HLTF: variants seen among roughly 807,000 people sequenced by gnomAD.
The protein encoded by HLTF is DNA-dependent ATPase/E3 ubiquitin-protein ligase HLTF.
Under a neutral mutation model 129.4 loss-of-function variants are expected in HLTF, and 127 were observed. That is an observed-to-expected ratio of 0.98 (90% CI 0.85 to 1.14). The LOEUF is 1.14. Among genes scored for constraint, HLTF ranks in the 50% most tolerant of loss-of-function variants. HLTF has a pLI of 0.00. For synonymous variants in HLTF, 332 were observed against 388.8 expected (o/e 0.85, Z 1.72); for missense variants, 1,139 against 1,187.1 (o/e 0.96, Z 0.60).
At position 149,063,297 on chromosome 3, in the gene HLTF, T is replaced by A. The variant is rs1361950061; in HGVS notation, c.1160+134A>T. 129 of 585,482 alleles carry A rather than the reference T, an allele frequency of 2.2e-4. 2 individuals are homozygous for A. The highest frequency in any genetic ancestry group is 2.0e-3 in the South Asian group (115 of 57,056). The allele number at this position is 585,482 out of a possible 1,614,324, so 36.3% of individuals were successfully genotyped here. A position where few individuals can be genotyped will look rare whatever the true frequency, so the allele number is the denominator to read the frequency against. ...GGATGGTCTCAATCTCCTGACCTCA[T>A]GATCCGCCCGCCTCGGCCTCCCAAA... On this transcript the variant is annotated intron_variant, in intron 10 of 24. Coordinates refer to ENST00000310053, the MANE Select transcript of HLTF (RefSeq NM_003071.4).
chr3:149,082,694 A>T (rs955260154), intron 2 of HLTF, among the ~76,000 whole-genome samples: 3 of 152,198 alleles, frequency 2.0e-5, no homozygotes, highest in Admixed American at 1.3e-4. Flanking sequence ...AAAAAAATTA[A>T]AATAACAAGT....
intron 9 of HLTF, 79 bp from the exon 10 acceptor site, chr3:149,063,603 T>G: frequency 1.3e-6 from 1 of 776,068 alleles, no homozygotes; most frequent in Non-Finnish European, 2.2e-6. Context: ...AAAACCTTGG[T>G]TTTCTAATTA....
intron 2 of HLTF, among the ~76,000 whole-genome samples, chr3:149,079,619 A>G (rs1464187119): frequency 6.6e-6 from 1 of 151,802 alleles, no homozygotes. Context: ...TTTTTGAGAC[A>G]GAGTCTTGCT....
At chr3:149,035,591 G>A (rs962479065) in intron 23 of HLTF, among the ~76,000 whole-genome samples, 2 of 148,232 alleles carry the variant, frequency 1.3e-5, no homozygotes, top group Admixed American at 6.8e-5. Flanking sequence ...CCCGGGAGGC[G>A]GAGCCTGCAG....
chr3:149,038,287 G>A (rs186570748), intron 23 of HLTF, among the ~76,000 whole-genome samples: 1 of 152,270 alleles, frequency 6.6e-6, no homozygotes, highest in Admixed American at 6.5e-5. Context: ...ACGCAAAGCA[G>A]GATCTCATTA....
At chr3:149,084,616 T>G (rs1026951345) in intron 2 of HLTF, 66 bp downstream of exon 2, 1 of 1,146,502 alleles carries the variant, frequency 8.7e-7, no homozygotes, top group East Asian at 2.4e-5. Context: ...CACCTGCGAA[T>G]TCTCTTATTT....
intron 8 of HLTF, among the ~76,000 whole-genome samples, chr3:149,067,513 T>C (rs1385354410): frequency 6.6e-6 from 1 of 152,128 alleles, no homozygotes; most frequent in Non-Finnish European, 1.5e-5. Flanking sequence ...TTATTTTTAT[T>C]TGTTTTAGAG....
intron 2 of HLTF, among the ~76,000 whole-genome samples, chr3:149,077,732 C>G (rs979131562): frequency 6.6e-6 from 1 of 151,648 alleles, no homozygotes; most frequent in Non-Finnish European, 1.5e-5. Context: ...AGGCCCTAAA[C>G]GCTCACCTTT....
Position 149,086,532 on chromosome 3 carries a change from C to A in HLTF, c.-196G>T, listed in dbSNP as rs909444477. The A allele has an allele frequency of 1.8e-5, 11 of 624,968 alleles. No homozygotes were observed. The highest frequency in any genetic ancestry group is 4.3e-4 in the Middle Eastern group (1 of 2,336). The allele number at this position is 624,968 out of a possible 1,614,324, so 38.7% of individuals were successfully genotyped here. A position where few individuals can be genotyped will look rare whatever the true frequency, so the allele number is the denominator to read the frequency against. On this transcript the variant is annotated 5_prime_UTR_variant, in exon 1 of 25. Coordinates refer to ENST00000310053, the MANE Select transcript of HLTF (RefSeq NM_003071.4). ...CGACGCCGTCTCCTTCTGCAACAAT[C>A]TGGGAGACCAGCGTCGCTCTGTGAC...
At chr3:149,050,504 T>C (rs1169236570) in intron 14 of HLTF, 129 bp from the exon 15 acceptor site, 3 of 532,696 alleles carry the variant, frequency 5.6e-6, no homozygotes, top group Non-Finnish European at 6.6e-6. Flanking sequence ...AAATCAAGTT[T>C]CCTTCAGTCT....
intron 5 of HLTF, 84 bp from the exon 6 acceptor site, chr3:149,071,741 A>G: frequency 1.1e-6 from 1 of 903,458 alleles, no homozygotes; most frequent in Non-Finnish European, 1.7e-6. Flanking sequence ...AAATCATTTA[A>G]TTAACTGGCG....
In HLTF at chr3:149,048,836, T is replaced by G. The variant is rs41267867; in HGVS notation, c.1756+27A>C. 2.3e-4 allele frequency: 369 copies of G among 1,578,256 alleles called. 1 individual carries two copies. In the African/African-American group the frequency reaches 4.7e-3, roughly 20 times the overall value. ...AATGATATATTTTAGAGATTTAAGG[T>G]TTTAGTAAGTTTAATGCTATGATTA... On this transcript the variant is annotated intron_variant, in intron 16 of 24. Transcript: ENST00000310053.
chr3:149,079,426 T>C (rs140126193), intron 2 of HLTF, among the ~76,000 whole-genome samples: 2 of 93,834 alleles, frequency 2.1e-5, no homozygotes, highest in Admixed American at 2.1e-4. Context: ...TTTAAAAAAA[T>C]AAAAATTTTT....
At chr3:149,060,935 G>T (rs997539994) in intron 10 of HLTF, 77 bp from the exon 11 acceptor site, 1 of 988,988 alleles carries the variant, frequency 1.0e-6, no homozygotes, top group Non-Finnish European at 1.5e-6. Context: ...TTTAATAAAT[G>T]CAATAAAAAA....
Position 149,063,532 on chromosome 3 carries a change from A to C in HLTF, c.1067-8T>G. On this transcript the variant is annotated splice_region_variant and splice_polypyrimidine_tract_variant and intron_variant, in intron 9 of 24. Coordinates refer to ENST00000310053, the MANE Select transcript of HLTF (RefSeq NM_003071.4). Reference sequence around the variant, plus strand: ...CACTACATCTAGATGCGTCTATTTCAAAGAAAAATGCAAATATAAAGTATT... The same window carrying C: ...CACTACATCTAGATGCGTCTATTTCCAAGAAAAATGCAAATATAAAGTATT... 1 of 1,521,160 alleles carries C rather than the reference A, an allele frequency of 6.6e-7. No individual in the cohort carries two copies. Among genetic ancestry groups the C allele is most frequent in the Non-Finnish European group, 9.1e-7 (1 of 1,095,806 alleles). The allele number at this position is 1,521,160 out of a possible 1,614,324, so 94.2% of individuals were successfully genotyped here.
intron 12 of HLTF, among the ~76,000 whole-genome samples, chr3:149,060,156 G>C (rs1276100170): frequency 6.6e-6 from 1 of 152,074 alleles, no homozygotes; most frequent in Non-Finnish European, 1.5e-5. Flanking sequence ...GATCAGTCAA[G>C]ATGATCAGTT....
chr3:149,076,438 T>C (rs1308419252), intron 2 of HLTF, among the ~76,000 whole-genome samples: 1 of 152,158 alleles, frequency 6.6e-6, no homozygotes, highest in Admixed American at 6.6e-5. Flanking sequence ...CACAGCTCTA[T>C]TGGGAGGTAC....
intron 18 of HLTF, among the ~76,000 whole-genome samples, chr3:149,044,576 T>A (rs148882615): frequency 1.3e-5 from 2 of 152,102 alleles, no homozygotes; most frequent in African/African-American, 4.8e-5. Flanking sequence ...GACTTTGAAC[T>A]CGACTCTCCT....
rs1204420470 is a variant in HLTF at position 149,082,678 on chromosome 3, A to C, written c.228+2004T>G. 2.0e-5 allele frequency among the ~76,000 whole-genome samples: 3 copies of C among 152,338 alleles called. No individual in the cohort carries two copies. In the East Asian group the frequency reaches 5.8e-4, roughly 29 times the overall value. On this transcript the variant is annotated intron_variant, in intron 2 of 24. Transcript: ENST00000310053. ...TCATACGTAAACCACATCTCAATAA[A>C]GTAGAAAAAAAATTAAAATAACAAG...
Sources: gnomAD v4.1 joint callset for allele counts (sites outside exome capture counted in the v4.1 genomes callset) on GRCh38, gnomAD v4.1.1 for gene constraint, MANE v1.5 for transcripts, NCBI Gene and HGNC (gene_info 2026-07-23, HGNC 2026-07-21) for gene names.